ABCD3: variants seen among roughly 807,000 people sequenced by gnomAD.
The protein encoded by ABCD3 is ATP binding cassette subfamily D member 3.
In ABCD3, 41 loss-of-function variants were observed where a neutral mutation model predicts 105.5. The ratio of observed to expected loss-of-function variants is 0.39; its 90% confidence interval spans 0.30 to 0.50. ABCD3 has a LOEUF of 0.50. Ranked by LOEUF, ABCD3 falls within the 20% of genes least tolerant of loss-of-function variation. ABCD3 has a pLI of 0.84. For missense variants in ABCD3, 622 were observed against 806.3 expected (o/e 0.77, Z 2.77); for synonymous variants, 258 against 269.0 (o/e 0.96, Z 0.40).
intron 10 of ABCD3, among the ~76,000 whole-genome samples, chr1:94,486,905 G>GT (rs1164417654): frequency 6.6e-6 from 1 of 152,238 alleles, no homozygotes; most frequent in East Asian, 1.9e-4. Context: ...ATAGAGCTCA[G>GT]TGCCAGATCA....
chr1:94,412,564 G>C, the ABCD3 span, among the ~76,000 whole-genome samples: 2 of 152,098 alleles, frequency 1.3e-5, no homozygotes. Context: ...CCAATTCTTT[G>C]CTCTTACAAA....
the ABCD3 span, among the ~76,000 whole-genome samples, chr1:94,388,841 A>AG: frequency 3.3e-5 from 5 of 152,194 alleles, no homozygotes; most frequent in Non-Finnish European, 7.3e-5. Flanking sequence ...AAAACAAAAA[A>AG]CAATTTAATG....
At chr1:94,401,891 A>G in the ABCD3 span, among the ~76,000 whole-genome samples, 1 of 152,212 alleles carries the variant, frequency 6.6e-6, no homozygotes, top group African/African-American at 2.4e-5. Context: ...AAATACCCAT[A>G]AAACCACCAC....
intron 22 of ABCD3, 67 bp downstream of exon 22, chr1:94,515,269 A>G (rs1355668703): frequency 2.5e-5 from 33 of 1,306,034 alleles, no homozygotes; most frequent in Non-Finnish European, 3.3e-5. Context: ...ATTCAGGTTA[A>G]TATGGTTTTA....
intron 21 of ABCD3, among the ~76,000 whole-genome samples, chr1:94,511,717 C>T (rs1276944244): frequency 3.3e-5 from 5 of 151,994 alleles, no homozygotes; most frequent in Non-Finnish European, 5.9e-5. Context: ...CTCTAAACTT[C>T]CCTTCTCGCT....
At chr1:94,385,163 T>G in the ABCD3 span, among the ~76,000 whole-genome samples, 1 of 152,186 alleles carries the variant, frequency 6.6e-6, no homozygotes, top group African/African-American at 2.4e-5. Context: ...TGAAACACCT[T>G]GGGGAGACTT....
At chr1:94,458,692 T>C in intron 2 of ABCD3, 49 bp downstream of exon 2, 1 of 1,548,648 alleles carries the variant, frequency 6.5e-7, no homozygotes, top group South Asian at 1.1e-5. Flanking sequence ...ATTTATTTCA[T>C]TTATTTTGTC....
intron 1 of ABCD3, among the ~76,000 whole-genome samples, chr1:94,419,924 A>G (rs757681158): frequency 1.4e-4 from 21 of 152,330 alleles, no homozygotes; most frequent in Non-Finnish European, 2.8e-4. Context: ...GTTGGTTTGT[A>G]TGAACTCCCA....
chr1:94,499,269 A>G (rs1366074386), intron 19 of ABCD3, among the ~76,000 whole-genome samples: 5 of 152,162 alleles, frequency 3.3e-5, no homozygotes, highest in African/African-American at 1.2e-4. Context: ...TACTGTGTAC[A>G]ATAGTGTTAT....
chr1:94,449,560 G>T (rs1215721316), intron 1 of ABCD3, among the ~76,000 whole-genome samples: 1 of 152,188 alleles, frequency 6.6e-6, no homozygotes, highest in African/African-American at 2.4e-5. Context: ...TTACCGTAAT[G>T]AATCTGCTCC....
At chr1:94,498,548 T>C in intron 16 of ABCD3, 54 bp from the exon 17 acceptor site, 1 of 1,551,134 alleles carries the variant, frequency 6.4e-7, no homozygotes, top group Non-Finnish European at 8.9e-7. Context: ...GTTGATTAAG[T>C]ATATGTTAAT....
chr1:94,480,326 CA>C (rs1431152882), intron 8 of ABCD3, 137 bp from the exon 9 acceptor site: 1 of 1,026,892 alleles, frequency 9.7e-7, no homozygotes, highest in Non-Finnish European at 1.4e-6. Context: ...AGAAAAAAAA[CA>C]AAGGGAAAAA....
At chr1:94,481,640 C>G (rs1649032300) in intron 9 of ABCD3, 1 of 152,220 alleles carries the variant, frequency 6.6e-6, no homozygotes, top group Non-Finnish European at 1.5e-5. Context: ...CGGGCTAATT[C>G]TTCTTGTGAC....
chr1:94,401,440 TAAC>T, the ABCD3 span, among the ~76,000 whole-genome samples: 8 of 152,250 alleles, frequency 5.3e-5, no homozygotes, highest in African/African-American at 1.7e-4. Context: ...TTTCCAAGTA[TAAC>T]AACAACATAG....
chr1:94,479,936 G>A (rs997845188), intron 8 of ABCD3, among the ~76,000 whole-genome samples: 2 of 152,034 alleles, frequency 1.3e-5, no homozygotes, highest in Admixed American at 1.3e-4. Context: ...GGGAAAGACA[G>A]AGCTCGTTCA....
At chr1:94,385,274 C>T in the ABCD3 span, among the ~76,000 whole-genome samples, 1 of 152,274 alleles carries the variant, frequency 6.6e-6, no homozygotes, top group South Asian at 2.1e-4. Context: ...TATCTTGGAA[C>T]TGGCATTCCA....
rs981342186 is a variant in ABCD3, at chr1:94,517,722, A to T, written c.*593A>T. On this transcript the variant is annotated 3_prime_UTR_variant, in exon 23 of 23. Transcript: ENST00000370214. ...AGTGCATTTGACTCCAGGAAAAGCC[A>T]TTTTGGTTTTCCTTAACTAAATGAT... 4 of 155,612 alleles carry T rather than the reference A, an allele frequency of 2.6e-5. No homozygotes were observed. Among genetic ancestry groups the T allele is most frequent in the Non-Finnish European group, 4.3e-5 (3 of 70,088 alleles). 9.6% of individuals were successfully genotyped at this position (155,612 alleles called of 1,614,324 possible).
intron 16 of ABCD3, among the ~76,000 whole-genome samples, chr1:94,496,766 CA>C (rs1407277437): frequency 1.1e-4 from 4 of 38,064 alleles, no homozygotes; most frequent in Non-Finnish European, 2.0e-4. Flanking sequence ...TTTGTACCAG[CA>C]AATTTTTTTT....
At position 94,517,497 on chromosome 1, in the gene ABCD3, AC is replaced by A. The variant is rs1249539391; in HGVS notation, c.*371del. On this transcript the variant is annotated 3_prime_UTR_variant, in exon 23 of 23. Transcript: ENST00000370214. ...GCTCTATCTTTTCCTTCAGTGAAGA[AC>A]CCTATTTAAAACTGGGTCATCATTT... 3.9e-6 allele frequency: 1 copy of A among 256,402 alleles called. No individual in the cohort carries two copies. The highest frequency in any genetic ancestry group is 7.6e-6 in the Non-Finnish European group (1 of 131,030). 15.9% of individuals were successfully genotyped at this position (256,402 alleles called of 1,614,324 possible).
Sources: allele counts gnomAD v4.1 joint callset (sites outside exome capture counted in the v4.1 genomes callset), GRCh38; gene constraint gnomAD v4.1.1; transcripts MANE v1.5; gene names NCBI Gene and HGNC (gene_info 2026-07-23, HGNC 2026-07-21).